Variants in MAPK11 observed in about 807,000 individuals in gnomAD.
MAPK11 encodes mitogen-activated protein kinase 11.
A neutral mutation model predicts 52.2 loss-of-function variants in MAPK11; 44 were observed. The ratio of observed to expected loss-of-function variants is 0.84; its 90% CI spans 0.66 to 1.08. The LOEUF is 1.08. Ranked by LOEUF, MAPK11 falls within the 50% of genes least tolerant of loss-of-function variation. MAPK11 has a pLI of 0.00. For synonymous variants in MAPK11, 233 were observed against 206.3 expected (o/e 1.13, Z -1.11); for missense variants, 436 against 494.7 (o/e 0.88, Z 1.13).
In MAPK11 at chr22:50,264,979, T is replaced by G. The variant is rs753846809; in HGVS notation, c.1064A>C (p.Lys355Thr). Residue 355 changes from lysine to threonine, a missense_variant, in exon 12 of 12, where the codon AAG becomes ACG. Transcript: ENST00000330651. ...VLSFKPPEPPKPPGSLEIEQ is the reference protein window; with the variant it reads ...VLSFKPPEPPTPPGSLEIEQ ...CTCAATCTCCAGGCTGCCAGGTGGCTTCGGTGGCTCTGGGGGCTTGAAGCT... is the reference window on the plus strand; with the variant it reads ...CTCAATCTCCAGGCTGCCAGGTGGCGTCGGTGGCTCTGGGGGCTTGAAGCT... 1 of 1,613,112 alleles carries G rather than the reference T, an allele frequency of 6.2e-7. No homozygotes were observed. Among genetic ancestry groups the G allele is most frequent in the South Asian group, 1.1e-5 (1 of 90,886 alleles).
At position 50,265,338 on chromosome 22, in the gene MAPK11, G is replaced by A. The variant is rs202228682; in HGVS notation, c.998C>T (p.Thr333Met). Residue 333 changes from threonine (T) to methionine (M), a missense_variant, in exon 11 of 12, where the codon ACG becomes ATG. Thr to Met is a moderately conservative substitution (Grantham distance 81). Transcript: ENST00000330651. ...YDESVEAKERTLEEWKELTYQ... is the reference protein window; with the variant it reads ...YDESVEAKERMLEEWKELTYQ... ...ATGCTCACCCTTCCACTCCTCCAGC[G>A]TGCGCTCCTTGGCCTCAACGCTCTC... 1.5e-5 allele frequency: 24 copies of A among 1,613,222 alleles called. 1 individual carries two copies. In the South Asian group the frequency reaches 1.5e-4, roughly 10 times the overall value.
intron 2 of MAPK11, 43 bp downstream of exon 2, chr22:50,267,777 G>GCC (rs969581421): frequency 2.1e-6 from 2 of 947,622 alleles, no homozygotes; most frequent in African/African-American, 3.6e-5. Context: ...CCGCGGCCCC[G>GCC]CCCCCGCACG....
chr22:50,265,684 G>C, intron 9 of MAPK11, 24 bp from the exon 10 acceptor site: 1 of 1,451,372 alleles, frequency 6.9e-7, no homozygotes, highest in African/African-American at 1.4e-5. Context: ...AGAACACCTG[G>C]GGAGGCTGCT....
intron 8 of MAPK11, 70 bp downstream of exon 8, chr22:50,266,470 G>T: frequency 1.4e-6 from 2 of 1,442,522 alleles, no homozygotes; most frequent in East Asian, 2.3e-5. Context: ...GCCAGAAGGG[G>T]CCAGCGCTGG....
rs982987463 is a variant in MAPK11, at chr22:50,264,821, G to A, written c.*127C>T. 10 of 633,652 alleles carry A rather than the reference G, an allele frequency of 1.6e-5. No homozygotes were observed. In the African/African-American group the frequency reaches 1.9e-4, roughly 12 times the overall value. The allele number at this position is 633,652 out of a possible 1,614,324, so 39.3% of individuals were successfully genotyped here. On this transcript the variant is annotated 3_prime_UTR_variant, in exon 12 of 12. Coordinates refer to ENST00000330651, the MANE Select transcript of MAPK11 (RefSeq NM_002751.7). The stretch of plus-strand genomic sequence containing the variant: ...TGCGTGTAGATTCTCCTGAAGGCGA[G>A]GGGTCCTAGGCCAGAAGTCTGTGAC...
At position 50,263,809 on chromosome 22, in the gene MAPK11, GGCAGA is replaced by G; in HGVS notation, c.*1134_*1138del. ...AGGCAAGAGGTCACCCCCTTTCCAG[GGCAGA>G]GCCACACCCCCAACTCAGCTCTGGG... On this transcript the variant is annotated 3_prime_UTR_variant, in exon 12 of 12. Coordinates refer to ENST00000330651, the MANE Select transcript of MAPK11 (RefSeq NM_002751.7). 6.6e-6 allele frequency: 1 copy of G among 152,542 alleles called. No individual in the cohort carries two copies. The highest frequency in any genetic ancestry group is 2.1e-4 in the South Asian group (1 of 4,836). 9.4% of individuals were successfully genotyped at this position (152,542 alleles called of 1,614,324 possible). A position where few individuals can be genotyped will look rare whatever the true frequency, so the allele number is the denominator to read the frequency against.
Position 50,265,633 on chromosome 22 carries a change from G to T in MAPK11, c.790C>A (p.Pro264Thr). ...HARTYIQSLP[P>T]MPQKDLSSIF... ...CTGCTCAGGTCCTTCTGGGGCATGG[G>T]GGGCAGGGACTGGATATATGTCCGG... The change falls in exon 10 of 12, where the codon CCC becomes ACC. Residue 264 changes from proline to threonine, a missense_variant. Physicochemically the swap from Pro to Thr is conservative, Grantham distance 38. Coordinates refer to ENST00000330651, the MANE Select transcript of MAPK11 (RefSeq NM_002751.7). 1 of 1,600,864 alleles carries T rather than the reference G, an allele frequency of 6.2e-7. No homozygotes were observed. Among genetic ancestry groups the T allele is most frequent in the Non-Finnish European group, 8.5e-7 (1 of 1,173,190 alleles).
chr22:50,264,962 C>T lies in MAPK11; in HGVS notation c.1081G>A (p.Glu361Lys), dbSNP rs199675711. 1.9e-6 allele frequency: 3 copies of T among 1,612,084 alleles called. No homozygotes were observed. The highest frequency in any genetic ancestry group is 2.5e-6 in the Non-Finnish European group (3 of 1,179,448). Residue 361 changes from glutamate to lysine, a missense_variant, in exon 12 of 12, where the codon GAG (glutamate) becomes AAG (lysine). Coordinates refer to ENST00000330651, the MANE Select transcript of MAPK11 (RefSeq NM_002751.7). ...TGGGCAGCACCTCACTGCTCAATCT[C>T]CAGGCTGCCAGGTGGCTTCGGTGGC... ...PEPPKPPGSL[E>K]IEQ
intron 1 of MAPK11, among the ~76,000 whole-genome samples, chr22:50,268,973 G>T (rs779525799): frequency 6.6e-6 from 1 of 152,182 alleles, no homozygotes; most frequent in South Asian, 2.1e-4. Flanking sequence ...GCGGTCAGGT[G>T]ACAGGGAATT....
intron 11 of MAPK11, 133 bp from the exon 12 acceptor site, chr22:50,265,160 C>G (rs1357221399): frequency 8.1e-7 from 1 of 1,240,294 alleles, no homozygotes; most frequent in Non-Finnish European, 1.1e-6. Flanking sequence ...GGAGCCAGAA[C>G]CTGCCCTGTG....
chr22:50,267,880 C>T lies in MAPK11; in HGVS notation c.186G>A (p.Leu62=). ...VKKLSRPFQS[L]IHARRTYREL... is the part of the protein sequence containing the mutation. ...CCCGGTACGTTCTGCGCGCGTGGATCAGCGACTGGAAGGGGCGCGACAGCT... is the reference window on the plus strand; with the variant it reads ...CCCGGTACGTTCTGCGCGCGTGGATTAGCGACTGGAAGGGGCGCGACAGCT... Residue 62 remains leucine (L), a synonymous_variant, in exon 2 of 12, where the codon CTG becomes CTA. Coordinates refer to ENST00000330651, the MANE Select transcript of MAPK11 (RefSeq NM_002751.7). 6.3e-7 allele frequency: 1 copy of T among 1,590,100 alleles called. No homozygotes were observed. The highest frequency in any genetic ancestry group is 1.7e-5 in the Admixed American group (1 of 58,234).
chr22:50,266,468 G>A, intron 8 of MAPK11, 72 bp downstream of exon 8: 3 of 1,452,820 alleles, frequency 2.1e-6, no homozygotes, highest in Non-Finnish European at 2.8e-6. Flanking sequence ...CCGCCAGAAG[G>A]GGCCAGCGCT....
chr22:50,264,778 T>A lies in MAPK11; in HGVS notation c.*170A>T. ...CACATGGCAAGCACATGTACACACATGTTTGTGCATGCATACATGCGTGTA... is the reference window on the plus strand; with the variant it reads ...CACATGGCAAGCACATGTACACACAAGTTTGTGCATGCATACATGCGTGTA... On this transcript the variant is annotated 3_prime_UTR_variant, in exon 12 of 12. Coordinates refer to ENST00000330651, the MANE Select transcript of MAPK11 (RefSeq NM_002751.7). The A allele has an allele frequency of 1.8e-6, 1 of 569,398 alleles. No homozygotes were observed. Among genetic ancestry groups the A allele is most frequent in the Non-Finnish European group, 3.1e-6 (1 of 318,358 alleles). The allele number at this position is 569,398 out of a possible 1,614,324, so 35.3% of individuals were successfully genotyped here. A position where few individuals can be genotyped will look rare whatever the true frequency, so the allele number is the denominator to read the frequency against.
chr22:50,267,166 C>T lies in MAPK11; in HGVS notation c.456G>A (p.Lys152=), dbSNP rs199852194. The change falls in exon 6 of 12, where the codon AAG becomes AAA. Residue 152 remains lysine, a synonymous_variant. Transcript: ENST00000330651. ...CCTCGTTCACAGCCACGTTGCTGGG[C>T]TTCAGGTCCTGCAGGTCACGCGGAG... ...HSAGIIHRDL[K]PSNVAVNEDC... 6 of 1,611,904 alleles carry T rather than the reference C, an allele frequency of 3.7e-6. No individual in the cohort carries two copies. Among genetic ancestry groups the T allele is most frequent in the East Asian group, 4.5e-5 (2 of 44,860 alleles).
At position 50,266,541 on chromosome 22, in the gene MAPK11, G is replaced by A; in HGVS notation, c.681C>T (p.Asp227=). The change falls in exon 8 of 12, where the codon GAC becomes GAT. Residue 227 remains aspartate, a splice_region_variant and synonymous_variant. Transcript: ENST00000330651. ...CTCCCCAACCTGGGCCAAGGATACAGTCGCTTCCCGGGAAGAGGGCCTTGC... is the reference window on the plus strand; with the variant it reads ...CTCCCCAACCTGGGCCAAGGATACAATCGCTTCCCGGGAAGAGGGCCTTGC... ...LQGKALFPGS[D]YIDQLKRIME... The A allele has an allele frequency of 6.6e-7, 1 of 1,518,202 alleles. No homozygotes were observed. The highest frequency in any genetic ancestry group is 1.3e-5 in the South Asian group (1 of 75,642). 94.0% of individuals were successfully genotyped at this position (1,518,202 alleles called of 1,614,324 possible).
At position 50,270,094 on chromosome 22, in the gene MAPK11, G is replaced by A. The variant is rs367610897; in HGVS notation, c.116+83C>T. ...GCAGGGCGAGGCCCCTCCCCACGCC[G>A]AGAACCTCGCGCGGGCGAGGAGGGG... On this transcript the variant is annotated intron_variant, in intron 1 of 11. Coordinates refer to ENST00000330651, the MANE Select transcript of MAPK11 (RefSeq NM_002751.7). This position sits in a 1 kb window ranked among gnomAD's most constrained non-coding sequence, Gnocchi z 6.3. 247 of 574,546 alleles carry A rather than the reference G, an allele frequency of 4.3e-4. 4 individuals carry two copies. In the South Asian group the frequency reaches 0.011, roughly 26 times the overall value. 35.6% of individuals were successfully genotyped at this position (574,546 alleles called of 1,614,324 possible). A position where few individuals can be genotyped will look rare whatever the true frequency, so the allele number is the denominator to read the frequency against.
At position 50,264,851 on chromosome 22, in the gene MAPK11, G is replaced by C. The variant is rs897906099; in HGVS notation, c.*97C>G. 1.1e-6 allele frequency: 1 copy of C among 901,332 alleles called. No individual in the cohort carries two copies. Among genetic ancestry groups the C allele is most frequent in the African/African-American group, 1.7e-5 (1 of 60,110 alleles). The allele number at this position is 901,332 out of a possible 1,614,324, so 55.8% of individuals were successfully genotyped here. On this transcript the variant is annotated 3_prime_UTR_variant, in exon 12 of 12. Transcript: ENST00000330651. ...CCTAGGCCAGAAGTCTGTGACCATA[G>C]GAGTGTGGGAGGTGCCTCTCGAGGA... is the stretch of plus-strand genomic sequence containing the variant.
intron 9 of MAPK11, among the ~76,000 whole-genome samples, chr22:50,265,972 C>G (rs1488750097): frequency 6.9e-6 from 1 of 144,818 alleles, no homozygotes; most frequent in African/African-American, 2.5e-5. Flanking sequence ...TTGCTGGGCC[C>G]CCAGCCCACC....
chr22:50,270,130 C>A lies in MAPK11; in HGVS notation c.116+47G>T. On this transcript the variant is annotated intron_variant, in intron 1 of 11. Coordinates refer to ENST00000330651, the MANE Select transcript of MAPK11 (RefSeq NM_002751.7). The surrounding 1 kb of genome is among the most constrained non-coding windows in gnomAD (Gnocchi z 6.3). ...GCGGGCGAGGAGGGGACGCGCTCTC[C>A]GGCCCGGCCCGGCCCCCACCCAGCA... 9.6e-7 allele frequency: 1 copy of A among 1,041,292 alleles called. No individual in the cohort carries two copies. The highest frequency in any genetic ancestry group is 1.3e-6 in the Non-Finnish European group (1 of 787,472). 64.5% of individuals were successfully genotyped at this position (1,041,292 alleles called of 1,614,324 possible). A position where few individuals can be genotyped will look rare whatever the true frequency, so the allele number is the denominator to read the frequency against.
Sources: gnomAD v4.1 joint callset for allele counts (sites outside exome capture counted in the v4.1 genomes callset) on GRCh38, gnomAD v4.1.1 for gene constraint, Gnocchi (gnomAD v3.1) non-coding constraint, MANE v1.5 for transcripts, NCBI Gene and HGNC (gene_info 2026-07-23, HGNC 2026-07-21) for gene names.